Variants in PHKA1 observed in about 807,000 individuals in gnomAD.
PHKA1 encodes phosphorylase b kinase regulatory subunit alpha, skeletal muscle isoform.
In PHKA1, 60 loss-of-function variants were observed where a neutral mutation model predicts 110.2. The observed-to-expected ratio is 0.54, with a 90% CI of 0.44 to 0.68. PHKA1 has a LOEUF of 0.68. PHKA1 is among the 30% of genes least tolerant of loss of function. The pLI, the probability that PHKA1 is intolerant of heterozygous loss-of-function variation, is 0.00. For synonymous variants in PHKA1, 316 were observed against 333.6 expected (o/e 0.95, Z 0.58); for missense variants, 801 against 942.5 (o/e 0.85, Z 1.97).
At chrX:72,622,993 C>A in intron 18 of PHKA1, 116 bp downstream of exon 18, 2 of 1,161,372 alleles carry the variant, frequency 1.7e-6, no homozygotes, top group Middle Eastern at 2.5e-4. Context: ...AAGTAGAGAT[C>A]TAGAGTGAGG....
At chrX:72,620,030 A>G (rs182087429) in intron 19 of PHKA1, among the ~76,000 whole-genome samples, 3 of 111,963 alleles carry the variant, frequency 2.7e-5, no homozygotes, top group Non-Finnish European at 3.8e-5. Context: ...GCTTTTCCCT[A>G]TTATAAATGT....
At chrX:72,640,705 T>A (rs1156368113) in intron 14 of PHKA1, among the ~76,000 whole-genome samples, 2 of 111,899 alleles carry the variant, frequency 1.8e-5, no homozygotes, top group Admixed American at 9.5e-5. Context: ...AATGCATACA[T>A]ACCAATTTGT....
intron 13 of PHKA1, among the ~76,000 whole-genome samples, chrX:72,647,673 G>A (rs1446671237): frequency 2.7e-5 from 3 of 110,946 alleles, no homozygotes; most frequent in African/African-American, 9.9e-5. Context: ...TGGTATAGGA[G>A]GTGAGATCAT....
At chrX:72,605,723 A>G in intron 23 of PHKA1, 104 bp from the exon 24 acceptor site, 1 of 590,876 alleles carries the variant, frequency 1.7e-6, no homozygotes, top group Non-Finnish European at 2.8e-6. Flanking sequence ...CACTGCCTCA[A>G]CATTTCATCA....
intron 6 of PHKA1, among the ~76,000 whole-genome samples, chrX:72,670,538 C>T (rs1556308548): frequency 1.8e-5 from 2 of 111,985 alleles, no homozygotes; most frequent in African/African-American, 3.3e-5. Context: ...CCTTCTGAAA[C>T]TATTCCAACC....
chrX:72,710,845 TTTTTTTA>T lies in PHKA1; in HGVS notation c.237+1927_237+1933del, dbSNP rs2054365142. ...TTTTTATTTTTTATTTTTTTATTTT[TTTTTTTA>T]TTTTTATTTTTATTTTTTATTTTTT... On this transcript the variant is annotated intron_variant, in intron 2 of 31. Transcript: ENST00000373542. 2.4e-3 allele frequency among the ~76,000 whole-genome samples: 254 copies of T among 107,273 alleles called. 1 individual carries two copies. The highest frequency in any genetic ancestry group is 0.021 in the South Asian group (52 of 2,532). The allele number at this position is 107,273 out of a possible 115,157, so 93.2% of individuals were successfully genotyped here. A position where few individuals can be genotyped will look rare whatever the true frequency, so the allele number is the denominator to read the frequency against.
intron 3 of PHKA1, among the ~76,000 whole-genome samples, 176 bp from the exon 4 acceptor site, chrX:72,696,052 T>G (rs1387902306): frequency 8.9e-6 from 1 of 111,972 alleles, no homozygotes; most frequent in Non-Finnish European, 1.9e-5. Flanking sequence ...AACTGGAAAG[T>G]CTGTTATTGT....
chrX:72,700,802 G>C (rs2147834511), intron 3 of PHKA1, among the ~76,000 whole-genome samples: 1 of 111,240 alleles, frequency 9.0e-6, no homozygotes, highest in South Asian at 3.8e-4. Context: ...TCAGAATAGA[G>C]GAAAAATTTC....
At chrX:72,681,559 C>A (rs1314566411) in intron 5 of PHKA1, among the ~76,000 whole-genome samples, 5 of 89,521 alleles carry the variant, frequency 5.6e-5, no homozygotes, top group Non-Finnish European at 1.2e-4. Context: ...GGTCAGCCCC[C>A]CGCCCGGCCA....
intron 28 of PHKA1, among the ~76,000 whole-genome samples, chrX:72,601,498 T>C (rs2052656628): frequency 1.8e-5 from 2 of 111,000 alleles, no homozygotes; most frequent in Admixed American, 9.6e-5. Flanking sequence ...GCCAGGGTGA[T>C]TGGACATCAC....
chrX:72,634,316 T>C (rs1229819968), intron 16 of PHKA1, among the ~76,000 whole-genome samples: 2 of 111,483 alleles, frequency 1.8e-5, no homozygotes, highest in African/African-American at 6.5e-5. Context: ...TCCTGTGATA[T>C]TGAAGCACTT....
chrX:72,671,628 A>G (rs1177414813), intron 6 of PHKA1, among the ~76,000 whole-genome samples: 8 of 111,837 alleles, frequency 7.2e-5, no homozygotes, highest in African/African-American at 2.6e-4. Context: ...CGCGTCGCCA[A>G]GTCAATCCTA....
Position 72,603,157 on chromosome X carries a change from T to G in PHKA1, c.2879A>C (p.His960Pro). ...TCCAAACTCCTTGCCGCTGAGAATG[T>G]GATGCAGGAGATTCTTCATGGCCGA... ...SPSAMKNLLH[H>P]ILSGKEFGVE... Residue 960 changes from histidine to proline, a missense_variant, in exon 26 of 32, where the codon CAC becomes CCC. Transcript: ENST00000373542. 8.3e-7 allele frequency: 1 copy of G among 1,207,852 alleles called. No individual in the cohort carries two copies. The highest frequency in any genetic ancestry group is 1.1e-6 in the Non-Finnish European group (1 of 892,056).
chrX:72,653,436 C>T lies in PHKA1; in HGVS notation c.1136G>A (p.Arg379Lys), dbSNP rs782491605. The change falls in exon 11 of 32, where the codon AGG (arginine) becomes AAG (lysine). Residue 379 changes from arginine to lysine, a missense_variant and splice_region_variant. Physicochemically the swap from Arg to Lys is conservative, Grantham distance 26 (BLOSUM62 2). Around this residue, in one of 2 missense-constraint regions of PHKA1, gnomAD observed 299 missense variants for 423.3 expected, o/e 0.71. Transcript: ENST00000373542. ...ATGTTATGGCACTGTCTGACTCACCCTGTCAGGAGGAACACTGTACAGCTC... is the reference window on the plus strand; with the variant it reads ...ATGTTATGGCACTGTCTGACTCACCTTGTCAGGAGGAACACTGTACAGCTC... ...LPELYSVPPD[R>K]VDEEYQNPHT... The T allele has an allele frequency of 5.0e-6, 6 of 1,190,512 alleles. No individual in the cohort carries two copies. Among genetic ancestry groups the T allele is most frequent in the Non-Finnish European group, 3.4e-6 (3 of 876,540 alleles).
At chrX:72,669,487 G>A (rs1295291618) in intron 6 of PHKA1, among the ~76,000 whole-genome samples, 1 of 107,065 alleles carries the variant, frequency 9.3e-6, no homozygotes, top group South Asian at 4.4e-4. Flanking sequence ...CCAGTAACTT[G>A]TCATTTAGCA....
At chrX:72,665,612 G>C (rs1013353963) in intron 8 of PHKA1, among the ~76,000 whole-genome samples, 1 of 111,662 alleles carries the variant, frequency 9.0e-6, no homozygotes, top group Non-Finnish European at 1.9e-5. Flanking sequence ...GATGAACATA[G>C]ATGCAAAAAT....
chrX:72,592,093 T>C (rs967494845), intron 29 of PHKA1, among the ~76,000 whole-genome samples: 1 of 112,597 alleles, frequency 8.9e-6, no homozygotes, highest in Non-Finnish European at 1.9e-5. Context: ...AGAATGAAGA[T>C]TATTATCTGT....
chrX:72,646,598 G>A (rs2053362538), intron 13 of PHKA1, among the ~76,000 whole-genome samples: 1 of 111,292 alleles, frequency 9.0e-6, no homozygotes, highest in Non-Finnish European at 1.9e-5. Flanking sequence ...ATTATAAAAA[G>A]CCCTTTATAA....
At chrX:72,657,030 T>C (rs1262026344) in intron 9 of PHKA1, among the ~76,000 whole-genome samples, 1 of 112,190 alleles carries the variant, frequency 8.9e-6, no homozygotes, top group East Asian at 2.8e-4. Context: ...AAACAATGTT[T>C]CCATTACCAG....
Sources: allele counts gnomAD v4.1 joint callset (sites outside exome capture counted in the v4.1 genomes callset), GRCh38; gene constraint gnomAD v4.1.1; regional missense constraint gnomAD v4.1.1; transcripts MANE v1.5; gene names NCBI Gene and HGNC (gene_info 2026-07-23, HGNC 2026-07-21).